Variants in MPP4 observed in about 807,000 individuals in gnomAD.
The protein encoded by MPP4 is MAGUK p55 subfamily member 4.
A neutral mutation model predicts 98.3 loss-of-function variants in MPP4; 91 were observed. That is an observed-to-expected ratio of 0.93 (90% CI 0.78 to 1.10). The LOEUF (loss-of-function observed/expected upper bound fraction) is 1.10, where lower values mean the gene tolerates loss of function less well. MPP4 is among the 50% of genes least tolerant of loss of function. The pLI is 0.00. For synonymous variants in MPP4, 261 were observed against 271.8 expected (o/e 0.96, Z 0.39); for missense variants, 744 against 792.9 (o/e 0.94, Z 0.74).
chr2:201,650,365 G>T lies in MPP4; in HGVS notation c.1382-200C>A. ...CAGTTAGTCTATAAACCTTTACTGA[G>T]TGCTTATGGTATGAAAAAGAATGCA... On this transcript the variant is annotated intron_variant, in intron 18 of 21. Transcript: ENST00000409474. 2 of 985,420 alleles carry T rather than the reference G, an allele frequency of 2.0e-6. 1 individual carries two copies. Among genetic ancestry groups the T allele is most frequent in the Non-Finnish European group, 2.4e-6 (2 of 829,924 alleles). 61.0% of individuals were successfully genotyped at this position (985,420 alleles called of 1,614,324 possible).
intron 7 of MPP4, 103 bp downstream of exon 7, chr2:201,684,958 AAAG>A (rs1384354973): frequency 3.3e-6 from 3 of 911,590 alleles, no homozygotes; most frequent in Non-Finnish European, 4.7e-6. Context: ...AAAAAAAAAA[AAAG>A]AAAAAAAAAA....
intron 18 of MPP4, among the ~76,000 whole-genome samples, chr2:201,653,592 A>G (rs1317529513): frequency 6.6e-6 from 1 of 152,222 alleles, no homozygotes; most frequent in Non-Finnish European, 1.5e-5. Flanking sequence ...TACACATATT[A>G]GAAACGATGC....
intron 13 of MPP4, among the ~76,000 whole-genome samples, chr2:201,664,594 T>C (rs1688118292): frequency 6.6e-6 from 1 of 152,148 alleles, no homozygotes; most frequent in South Asian, 2.1e-4. Flanking sequence ...GAGAAGGATG[T>C]GAGATAAACC....
At chr2:201,687,266 C>G (rs1189437155) in intron 5 of MPP4, 25 bp downstream of exon 5, 2 of 1,551,460 alleles carry the variant, frequency 1.3e-6, no homozygotes, top group Non-Finnish European at 1.7e-6. Context: ...ATGGGGACAT[C>G]TTTTCTATTT....
rs1221474477 is a variant in MPP4 at position 201,696,202 on chromosome 2, G to A, written c.-100-2148C>T. ...CTAGGTTCTACCAAAGCTTGACATC[G>A]TTATGCTTTTGACTTGCCCTCCATC... On this transcript the variant is annotated intron_variant, in intron 1 of 21. Coordinates refer to ENST00000409474, the MANE Select transcript of MPP4 (RefSeq NM_033066.3). Among the ~76,000 whole-genome samples the A allele has an allele frequency of 4.6e-5, 7 of 152,288 alleles. No homozygotes were observed. In the East Asian group the frequency reaches 5.8e-4, roughly 13 times the overall value.
At chr2:201,660,701 C>T (rs911919165) in intron 14 of MPP4, among the ~76,000 whole-genome samples, 1 of 152,062 alleles carries the variant, frequency 6.6e-6, no homozygotes, top group Admixed American at 6.6e-5. Flanking sequence ...TCCTCTCTCC[C>T]CGAGGCAGTA....
At chr2:201,668,436 C>A (rs1159955323) in intron 12 of MPP4, among the ~76,000 whole-genome samples, 1 of 149,330 alleles carries the variant, frequency 6.7e-6, no homozygotes, top group African/African-American at 2.5e-5. Flanking sequence ...TCAGATCAAT[C>A]GATCTCTCTC....
intron 7 of MPP4, 50 bp from the exon 8 acceptor site, chr2:201,682,966 A>C: frequency 1.4e-6 from 2 of 1,439,138 alleles, no homozygotes; most frequent in Non-Finnish European, 2.0e-6. Flanking sequence ...AAGTAGGATA[A>C]AAATAGCAGT....
At chr2:201,676,761 G>A (rs747982736) in intron 10 of MPP4, among the ~76,000 whole-genome samples, 4 of 152,128 alleles carry the variant, frequency 2.6e-5, no homozygotes, top group African/African-American at 4.8e-5. Context: ...TTAGTTGGAC[G>A]TGGTGGTGCG....
At position 201,669,722 on chromosome 2, in the gene MPP4, C is replaced by T. The variant is rs1042274973; in HGVS notation, c.1012+11G>A. On this transcript the variant is annotated intron_variant, in intron 12 of 21. Coordinates refer to ENST00000409474, the MANE Select transcript of MPP4 (RefSeq NM_033066.3). The stretch of plus-strand genomic sequence containing the variant: ...GGAGATAAGAGTTTTTTCCTAAATA[C>T]TATTTCTTACCTTCTTCCATAGAAA... The T allele has an allele frequency of 7.0e-7, 1 of 1,427,804 alleles. No individual in the cohort carries two copies. The allele number at this position is 1,427,804 out of a possible 1,614,324, so 88.4% of individuals were successfully genotyped here. A position where few individuals can be genotyped will look rare whatever the true frequency, so the allele number is the denominator to read the frequency against.
Position 201,675,230 on chromosome 2 carries a change from T to C in MPP4, c.971A>G (p.His324Arg), listed in dbSNP as rs1384420124. ...ACATAGGGTTGACTTGAGGCAGGTGTGAGGCTGGTACGGCTGAGACCACCA... is the reference window on the plus strand; with the variant it reads ...ACATAGGGTTGACTTGAGGCAGGTGCGAGGCTGGTACGGCTGAGACCACCA... The part of the protein sequence containing the change: ...EFWWSQPYQP[H>R]TCLKSTLSIS... Residue 324 changes from histidine (H) to arginine (R), a missense_variant, in exon 11 of 22, where the codon CAC (histidine) becomes CGC (arginine). By Grantham distance (29) the His-to-Arg change is conservative. Transcript: ENST00000409474. The C allele has an allele frequency of 3.1e-6, 5 of 1,609,278 alleles. No homozygotes were observed. In the African/African-American group the frequency reaches 5.3e-5, roughly 17 times the overall value.
intron 11 of MPP4, chr2:201,673,439 A>G: frequency 6.4e-6 from 1 of 156,892 alleles, no homozygotes; most frequent in Non-Finnish European, 1.4e-5. Context: ...GGCTAAGGGG[A>G]GGGATAGCAT....
intron 17 of MPP4, among the ~76,000 whole-genome samples, 200 bp from the exon 18 acceptor site, chr2:201,655,117 C>T (rs1431836451): frequency 6.6e-6 from 1 of 152,220 alleles, no homozygotes; most frequent in South Asian, 2.1e-4. Flanking sequence ...GAGTAATCCA[C>T]ATTGTTTCAA....
intron 7 of MPP4, 67 bp downstream of exon 7, chr2:201,684,997 A>G (rs2105942556): frequency 1.5e-6 from 2 of 1,301,900 alleles, no homozygotes; most frequent in East Asian, 5.1e-5. Context: ...TTCTCTAGAA[A>G]GAAGCCTAAA....
chr2:201,652,699 A>AAGCCAGACGAG (rs1374536077), intron 18 of MPP4, among the ~76,000 whole-genome samples: 3 of 152,268 alleles, frequency 2.0e-5, no homozygotes, highest in South Asian at 4.1e-4. Flanking sequence ...GCGCTCAGAG[A>AAGCCAGACGAG]AGCCAGACGA....
At position 201,681,021 on chromosome 2, in the gene MPP4, G is replaced by A; in HGVS notation, c.746C>T (p.Ala249Val). ...VNSQQMVYVRAMTEYWPQEDP... is the reference protein window; with the variant it reads ...VNSQQMVYVRVMTEYWPQEDP... ...CTCCTGGGGCCAGTACTCAGTCATG[G>A]CACGGACGTACACCTGATGGCAGGT... The change falls in exon 10 of 22, where the codon GCC becomes GTC. Residue 249 changes from alanine (A) to valine (V), a missense_variant. Physicochemically the swap from Ala to Val is moderately conservative, Grantham distance 64 (BLOSUM62 0). Coordinates refer to ENST00000409474, the MANE Select transcript of MPP4 (RefSeq NM_033066.3). 6.2e-7 allele frequency: 1 copy of A among 1,613,194 alleles called. No individual in the cohort carries two copies. Among genetic ancestry groups the A allele is most frequent in the Non-Finnish European group, 8.5e-7 (1 of 1,179,336 alleles).
At position 201,698,593 on chromosome 2, in the gene MPP4, G is replaced by A; in HGVS notation, c.-107C>T. ...ATTTGCCAAGGTCTCTTACCTGCAA[G>A]ACTGTAAACATGCATGTTGCTCCTA... On this transcript the variant is annotated 5_prime_UTR_variant, in exon 1 of 22. Coordinates refer to ENST00000409474, the MANE Select transcript of MPP4 (RefSeq NM_033066.3). 1 of 1,304,056 alleles carries A rather than the reference G, an allele frequency of 7.7e-7. No individual in the cohort carries two copies. The highest frequency in any genetic ancestry group is 1.0e-6 in the Non-Finnish European group (1 of 988,818). 80.8% of individuals were successfully genotyped at this position (1,304,056 alleles called of 1,614,324 possible).
At chr2:201,693,683 G>A (rs1260422963) in intron 2 of MPP4, among the ~76,000 whole-genome samples, 193 bp downstream of exon 2, 1 of 152,168 alleles carries the variant, frequency 6.6e-6, no homozygotes, top group Non-Finnish European at 1.5e-5. Context: ...AATCCATCAT[G>A]TCCATTTATT....
intron 10 of MPP4, among the ~76,000 whole-genome samples, chr2:201,678,484 G>A (rs1688577714): frequency 6.6e-6 from 1 of 152,126 alleles, no homozygotes; most frequent in Non-Finnish European, 1.5e-5. Flanking sequence ...TGCTTCTCCT[G>A]CAGCCTTCAA....
Sources: allele counts gnomAD v4.1 joint callset (sites outside exome capture counted in the v4.1 genomes callset), GRCh38; gene constraint gnomAD v4.1.1; transcripts MANE v1.5; gene names NCBI Gene and HGNC (gene_info 2026-07-23, HGNC 2026-07-21).